WASF2: variants seen among roughly 807,000 people sequenced by gnomAD.
The protein encoded by WASF2 is actin-binding protein WASF2.
A neutral mutation model predicts 45.0 loss-of-function variants in WASF2; 14 were observed. The observed-to-expected ratio is 0.31, with a 90% CI of 0.21 to 0.49. The LOEUF (loss-of-function observed/expected upper bound fraction) is 0.49, where lower values mean the gene tolerates loss of function less well. Ranked by LOEUF, WASF2 falls within the 20% of genes least tolerant of loss-of-function variation. WASF2 has a pLI of 0.99. For synonymous variants in WASF2, 200 were observed against 236.3 expected (o/e 0.85, Z 1.41); for missense variants, 439 against 636.1 (o/e 0.69, Z 3.33).
At chr1:27,423,240 C>A (rs1323109070) in intron 2 of WASF2, among the ~76,000 whole-genome samples, 1 of 151,484 alleles carries the variant, frequency 6.6e-6, no homozygotes, top group Non-Finnish European at 1.5e-5. Flanking sequence ...CTCTGTTGCC[C>A]AGGCTGGAAT....
Position 27,426,605 on chromosome 1 carries a change from G to A in WASF2, c.130+2156C>T, listed in dbSNP as rs536117404. ...AGCTTACTACAACCTCCGCCTCCCG[G>A]ATTCAAGCGATTCTCGTGCCTTAGC... On this transcript the variant is annotated intron_variant, in intron 2 of 8. Coordinates refer to ENST00000618852, the MANE Select transcript of WASF2 (RefSeq NM_006990.5). 2.8e-4 allele frequency among the ~76,000 whole-genome samples: 43 copies of A among 152,036 alleles called. No individual in the cohort carries two copies. In the South Asian group the frequency reaches 3.1e-3, roughly 11 times the overall value.
At chr1:27,409,370 A>C (rs1350212716) in intron 8 of WASF2, among the ~76,000 whole-genome samples, 1 of 137,310 alleles carries the variant, frequency 7.3e-6, no homozygotes, top group Non-Finnish European at 1.5e-5. Context: ...GCTTGCAGTG[A>C]GCCGAGATCG....
chr1:27,454,195 T>A (rs1316619329), intron 1 of WASF2, among the ~76,000 whole-genome samples: 8 of 121,748 alleles, frequency 6.6e-5, no homozygotes, highest in South Asian at 2.5e-4. Context: ...ATATTTTTTT[T>A]TTTTTTTTTT....
At chr1:27,416,961 CA>C (rs1476563256) in intron 4 of WASF2, among the ~76,000 whole-genome samples, 1 of 152,154 alleles carries the variant, frequency 6.6e-6, no homozygotes, top group Non-Finnish European at 1.5e-5. Context: ...ACTGGAAAGG[CA>C]ATTCTATTCC....
Position 27,410,026 on chromosome 1 carries a change from T to A in WASF2, c.1005A>T (p.Pro335=). ...PPPPMIGIPP[P]PPPVGFGSPG... is the part of the protein sequence containing the mutation. ...GAGACCCAAATCCTACAGGCGGTGG[T>A]GGAGGTGGGATGCCTATCATTGGAG... is the stretch of plus-strand genomic sequence containing the variant. Residue 335 remains proline (P), a synonymous_variant, in exon 8 of 9, where the codon CCA becomes CCT. Coordinates refer to ENST00000618852, the MANE Select transcript of WASF2 (RefSeq NM_006990.5). The surrounding 1 kb of genome is among the most constrained non-coding windows in gnomAD (Gnocchi z 4.2). 2 of 1,611,974 alleles carry A rather than the reference T, an allele frequency of 1.2e-6. No homozygotes were observed. Among genetic ancestry groups the A allele is most frequent in the Non-Finnish European group, 1.7e-6 (2 of 1,179,268 alleles).
chr1:27,445,489 T>A (rs2017298620), intron 1 of WASF2, among the ~76,000 whole-genome samples: 1 of 152,004 alleles, frequency 6.6e-6, no homozygotes, highest in South Asian at 2.1e-4. Context: ...GACTAGTTTA[T>A]CTCCCATGGA....
chr1:27,489,348 T>TACACACAC (rs10636716), intron 1 of WASF2, among the ~76,000 whole-genome samples: 163 of 10,088 alleles, frequency 0.016, 36 homozygotes, highest in Non-Finnish European at 0.019. Context: ...TACTTCATGG[T>TACACACAC]ACACACACAC....
At chr1:27,453,249 C>T (rs2017409744) in intron 1 of WASF2, among the ~76,000 whole-genome samples, 1 of 151,682 alleles carries the variant, frequency 6.6e-6, no homozygotes, top group Non-Finnish European at 1.5e-5. Flanking sequence ...TATATGTAAA[C>T]TCTAAAGAAT....
At chr1:27,453,747 C>T (rs942411343) in intron 1 of WASF2, among the ~76,000 whole-genome samples, 4 of 151,966 alleles carry the variant, frequency 2.6e-5, no homozygotes, top group African/African-American at 4.8e-5. Flanking sequence ...AAAAACTAGC[C>T]AGGCATGGTG....
chr1:27,471,925 G>C (rs1160033219), intron 1 of WASF2, among the ~76,000 whole-genome samples: 1 of 152,138 alleles, frequency 6.6e-6, no homozygotes, highest in Non-Finnish European at 1.5e-5. Context: ...CTACCTAGTA[G>C]TTCAAACTTT....
intron 1 of WASF2, among the ~76,000 whole-genome samples, chr1:27,461,484 G>A (rs142974260): frequency 0.022 from 3,056 of 141,404 alleles, 55 homozygotes; most frequent in Non-Finnish European, 0.031. Context: ...TTTTTGAGAC[G>A]GAGTCTCGCT....
chr1:27,422,904 C>T (rs1219525281), intron 2 of WASF2, among the ~76,000 whole-genome samples: 3 of 151,988 alleles, frequency 2.0e-5, no homozygotes, highest in Non-Finnish European at 2.9e-5. Flanking sequence ...TTTGGGAGGC[C>T]GAGGCGGGTG....
intron 1 of WASF2, among the ~76,000 whole-genome samples, chr1:27,447,980 T>C (rs1420895622): frequency 3.9e-5 from 6 of 152,228 alleles, no homozygotes; most frequent in Non-Finnish European, 8.8e-5. Context: ...TGTCAGATTC[T>C]GTTCAAGGGA....
chr1:27,488,285 A>G (rs1334893663), intron 1 of WASF2, among the ~76,000 whole-genome samples: 2 of 152,206 alleles, frequency 1.3e-5, no homozygotes, highest in Admixed American at 1.3e-4. Flanking sequence ...TATTGCACCC[A>G]ACTACCGCCT....
chr1:27,426,318 A>T (rs1339432307), intron 2 of WASF2, among the ~76,000 whole-genome samples: 1 of 152,196 alleles, frequency 6.6e-6, no homozygotes, highest in Non-Finnish European at 1.5e-5. Context: ...GAACAGATTT[A>T]AGGGGGTTGG....
intron 1 of WASF2, among the ~76,000 whole-genome samples, chr1:27,432,317 T>C (rs537586762): frequency 6.6e-6 from 1 of 152,048 alleles, no homozygotes; most frequent in African/African-American, 2.4e-5. Flanking sequence ...TTAAATAATA[T>C]ATATAAAATA....
chr1:27,488,292 G>A (rs2017973969), intron 1 of WASF2, among the ~76,000 whole-genome samples: 1 of 152,056 alleles, frequency 6.6e-6, no homozygotes, highest in African/African-American at 2.4e-5. Context: ...CCCAACTACC[G>A]CCTACCCCAA....
chr1:27,438,615 T>G (rs1344742012), intron 1 of WASF2, among the ~76,000 whole-genome samples: 8 of 152,194 alleles, frequency 5.3e-5, no homozygotes, highest in Non-Finnish European at 1.0e-4. Context: ...CAGCAAAATG[T>G]TTTGTTGACA....
At chr1:27,415,934 C>T (rs1571121383) in intron 5 of WASF2, 51 bp downstream of exon 5, 1 of 1,483,022 alleles carries the variant, frequency 6.7e-7, no homozygotes, top group Non-Finnish European at 9.4e-7. Flanking sequence ...TTTTATCCCC[C>T]TCCACAATCG....
Sources: allele counts gnomAD v4.1 joint callset (sites outside exome capture counted in the v4.1 genomes callset), GRCh38; gene constraint gnomAD v4.1.1; non-coding constraint Gnocchi (gnomAD v3.1); transcripts MANE v1.5; gene names NCBI Gene and HGNC (gene_info 2026-07-23, HGNC 2026-07-21).